The following CNTN5 variants were observed in gnomAD, a reference collection of about 807,000 sequenced individuals.
CNTN5 encodes contactin-5.
CNTN5 carries 77 observed loss-of-function variants against 129.1 expected under a neutral mutation model. The ratio of observed to expected loss-of-function variants is 0.60; its 90% CI spans 0.50 to 0.72. The LOEUF is 0.72. Ranked by LOEUF, CNTN5 falls within the 30% of genes least tolerant of loss-of-function variation. The probability of loss-of-function intolerance (pLI) is 0.00; values close to 1 mark genes in which losing one functional copy is unlikely to be tolerated. For missense variants in CNTN5, 1,478 were observed against 1,328.8 expected, an observed-to-expected ratio of 1.11 and a Z score of -1.75; for synonymous variants, 509 against 465.6, an observed-to-expected ratio of 1.09 and a Z score of -1.20.
intron 7 of CNTN5, among the ~76,000 whole-genome samples, chr11:99,943,626 G>A (rs1950491984): frequency 6.6e-6 from 1 of 151,736 alleles, no homozygotes; most frequent in South Asian, 2.1e-4. Context: ...TGTCCTGAAT[G>A]ATATTGCCTA....
In CNTN5 at chr11:99,753,996, A is replaced by AT. The variant is rs958820830; in HGVS notation, c.56-65548_56-65547insT. Among the ~76,000 whole-genome samples, 39 of 148,394 alleles carry AT rather than the reference A, an allele frequency of 2.6e-4. No individual in the cohort carries two copies. In the South Asian group the frequency reaches 3.7e-3, roughly 14 times the overall value. ...AGCCACGGCACCCTGCCAAAAAAAA[A>AT]AAATAAATAACAACAACAAAAAAAC... is the stretch of plus-strand genomic sequence containing the variant. On this transcript the variant is annotated intron_variant, in intron 3 of 24. Coordinates refer to ENST00000524871, the MANE Select transcript of CNTN5 (RefSeq NM_014361.4).
intron 13 of CNTN5, among the ~76,000 whole-genome samples, chr11:100,091,430 T>A (rs1944780559): frequency 4.9e-5 from 3 of 61,400 alleles, no homozygotes; most frequent in African/African-American, 1.9e-4. Flanking sequence ...TATTCTTTTT[T>A]TTTTTTTTTT....
At chr11:99,225,443 C>G (rs546375745) in intron 1 of CNTN5, among the ~76,000 whole-genome samples, 3 of 152,052 alleles carry the variant, frequency 2.0e-5, no homozygotes, top group Non-Finnish European at 4.4e-5. Context: ...TAATTTTTCA[C>G]GCAGCAGAAC....
intron 2 of CNTN5, among the ~76,000 whole-genome samples, chr11:99,550,140 G>T (rs1052802924): frequency 2.6e-5 from 4 of 152,108 alleles, no homozygotes; most frequent in African/African-American, 9.7e-5. Context: ...TCCAAAACAT[G>T]TGAACACTGT....
At chr11:99,981,076 G>GAATATATATATATATATATA (rs1385717951) in intron 8 of CNTN5, among the ~76,000 whole-genome samples, 18 of 12,278 alleles carry the variant, frequency 1.5e-3, no homozygotes, top group Non-Finnish European at 2.8e-3. Context: ...AGAGCCAATA[G>GAATATATATATATATATATA]GATATATATA....
chr11:99,839,004 T>G (rs961993741), intron 4 of CNTN5, among the ~76,000 whole-genome samples: 4 of 151,998 alleles, frequency 2.6e-5, no homozygotes, highest in African/African-American at 9.7e-5. Flanking sequence ...CCAAGTAGGT[T>G]TGGAAAAATT....
At chr11:99,702,542 T>C (rs910959131) in intron 3 of CNTN5, among the ~76,000 whole-genome samples, 2 of 151,008 alleles carry the variant, frequency 1.3e-5, no homozygotes, top group Non-Finnish European at 3.0e-5. Flanking sequence ...TGTTATAATA[T>C]TTAGATTCTT....
At chr11:100,247,213 G>A (rs112717524) in intron 16 of CNTN5, among the ~76,000 whole-genome samples, 1,540 of 152,234 alleles carry the variant, frequency 0.01, 29 homozygotes, top group African/African-American at 0.035. Context: ...GTTTCATGCC[G>A]AGGAATCAGG....
chr11:99,653,042 A>C (rs901391915), intron 3 of CNTN5, among the ~76,000 whole-genome samples: 1 of 152,044 alleles, frequency 6.6e-6, no homozygotes, highest in African/African-American at 2.4e-5. Flanking sequence ...GGAAAGACAA[A>C]GAAAAAACAA....
chr11:99,552,022 C>T (rs1300115582), intron 2 of CNTN5, among the ~76,000 whole-genome samples: 1 of 151,042 alleles, frequency 6.6e-6, no homozygotes, highest in Non-Finnish European at 1.5e-5. Context: ...ATTCTCATGT[C>T]TCAGCCTCTC....
chr11:99,303,610 T>C (rs78387782), intron 1 of CNTN5, among the ~76,000 whole-genome samples: 118 of 151,630 alleles, frequency 7.8e-4, no homozygotes, highest in African/African-American at 2.8e-3. Flanking sequence ...TACTAAACAC[T>C]GGCTGTACCC....
At chr11:99,726,470 A>G (rs1302528780) in intron 3 of CNTN5, among the ~76,000 whole-genome samples, 3 of 152,216 alleles carry the variant, frequency 2.0e-5, no homozygotes, top group Non-Finnish European at 4.4e-5. Context: ...TCTACTAGCA[A>G]AACGAAATAG....
chr11:100,121,496 A>G (rs1438650465), intron 13 of CNTN5, among the ~76,000 whole-genome samples: 5 of 150,470 alleles, frequency 3.3e-5, no homozygotes. Context: ...ATTGAAAAAC[A>G]GTGGGGGCAG....
chr11:99,559,111 T>C (rs1948760798), intron 3 of CNTN5, among the ~76,000 whole-genome samples: 1 of 152,104 alleles, frequency 6.6e-6, no homozygotes, highest in African/African-American at 2.4e-5. Flanking sequence ...AAATATTTAG[T>C]ATTTTATTAT....
intron 2 of CNTN5, among the ~76,000 whole-genome samples, chr11:99,523,547 G>T (rs1353452863): frequency 6.6e-6 from 1 of 151,786 alleles, no homozygotes; most frequent in Non-Finnish European, 1.5e-5. Context: ...GTGAGCAAAG[G>T]TCACTGCACT....
chr11:100,223,235 A>G (rs76891606), intron 15 of CNTN5, among the ~76,000 whole-genome samples: 5,441 of 152,252 alleles, frequency 0.036, 192 homozygotes, highest in African/African-American at 0.09. Flanking sequence ...AAACCAGACC[A>G]TGTCTTAACA....
intron 1 of CNTN5, among the ~76,000 whole-genome samples, chr11:99,118,398 T>C (rs753825675): frequency 8.5e-5 from 13 of 152,138 alleles, no homozygotes; most frequent in Non-Finnish European, 1.6e-4. Context: ...GGTTTCAATG[T>C]TGCTGACTTT....
chr11:99,152,072 T>A (rs1191878918), intron 1 of CNTN5, among the ~76,000 whole-genome samples: 3 of 152,200 alleles, frequency 2.0e-5, no homozygotes, highest in Non-Finnish European at 4.4e-5. Flanking sequence ...GGAGAAATAA[T>A]GACAGCTCAA....
chr11:99,627,429 T>C (rs552159001), intron 3 of CNTN5, among the ~76,000 whole-genome samples: 95 of 149,372 alleles, frequency 6.4e-4, no homozygotes, highest in African/African-American at 2.3e-3. Context: ...ATGATTAATG[T>C]TACGAAATGG....
Sources: allele counts gnomAD v4.1 joint callset (sites outside exome capture counted in the v4.1 genomes callset), GRCh38; gene constraint gnomAD v4.1.1; transcripts MANE v1.5; gene names NCBI Gene and HGNC (gene_info 2026-07-23, HGNC 2026-07-21).